Variants in CDH12 observed in about 807,000 individuals in gnomAD.
CDH12 encodes the protein cadherin-12.
In CDH12, 41 loss-of-function variants were observed where a neutral mutation model predicts 74.1. The observed-to-expected ratio is 0.55, with a 90% confidence interval of 0.43 to 0.72. The LOEUF is 0.72. CDH12 is among the 30% of genes least tolerant of loss of function. The probability of loss-of-function intolerance (pLI) is 0.00; values close to 1 mark genes in which losing one functional copy is unlikely to be tolerated. For missense variants in CDH12, 945 were observed against 977.2 expected (o/e 0.97, Z 0.44); for synonymous variants, 399 against 355.0 (o/e 1.12, Z -1.39).
intron 6 of CDH12, among the ~76,000 whole-genome samples, chr5:21,923,851 G>A (rs1256385433): frequency 1.3e-5 from 2 of 152,062 alleles, no homozygotes; most frequent in African/African-American, 4.8e-5. Context: ...TTTTAAAATC[G>A]CCATTGACAG....
intron 4 of CDH12, among the ~76,000 whole-genome samples, chr5:22,172,730 T>C (rs1477157555): frequency 1.3e-5 from 2 of 151,838 alleles, no homozygotes; most frequent in African/African-American, 4.8e-5. Flanking sequence ...TATATTTTAT[T>C]GAATGCATTT....
At position 22,218,324 on chromosome 5, in the gene CDH12, C is replaced by G. The variant is rs147938247; in HGVS notation, c.-332-5681G>C. Among the ~76,000 whole-genome samples the G allele has an allele frequency of 3.6e-3, 547 of 151,496 alleles. 7 individuals carry two copies. The highest frequency in any genetic ancestry group is 0.012 in the African/African-American group (516 of 41,420). On this transcript the variant is annotated intron_variant, in intron 3 of 14. Coordinates refer to ENST00000382254, the MANE Select transcript of CDH12 (RefSeq NM_004061.5). The stretch of plus-strand genomic sequence containing the variant: ...ACTGATTAGTCACAATGGCTCCAAA[C>G]TGGGGAAAAAAAAGTCCGTCAACAG...
At chr5:22,502,590 G>T (rs1197050413) in intron 2 of CDH12, among the ~76,000 whole-genome samples, 2 of 151,762 alleles carry the variant, frequency 1.3e-5, no homozygotes, top group Admixed American at 6.6e-5. Flanking sequence ...GCTCCCAAAA[G>T]ATCTGATATA....
At chr5:22,314,976 T>C (rs1738558125) in intron 3 of CDH12, among the ~76,000 whole-genome samples, 16 of 96,560 alleles carry the variant, frequency 1.7e-4, no homozygotes, top group Non-Finnish European at 2.6e-4. Flanking sequence ...TTTTTTGAGA[T>C]GGAGTATCCC....
intron 3 of CDH12, among the ~76,000 whole-genome samples, chr5:22,289,202 T>C (rs566033303): frequency 8.0e-4 from 122 of 152,152 alleles, no homozygotes; most frequent in African/African-American, 2.7e-3. Flanking sequence ...TGATGAAAAA[T>C]GACAAACAAG....
At chr5:22,189,931 C>A (rs1330647107) in intron 4 of CDH12, among the ~76,000 whole-genome samples, 3 of 151,996 alleles carry the variant, frequency 2.0e-5, no homozygotes, top group Non-Finnish European at 4.4e-5. Context: ...TGCTTCACAG[C>A]TGGTGAATGG....
chr5:21,875,320 T>C (rs1751870367), intron 6 of CDH12, among the ~76,000 whole-genome samples: 1 of 152,254 alleles, frequency 6.6e-6, no homozygotes, highest in African/African-American at 2.4e-5. Flanking sequence ...AGTGGGGACC[T>C]CATGGAACTT....
chr5:22,737,044 T>C (rs1224249465), intron 1 of CDH12, among the ~76,000 whole-genome samples: 2 of 151,958 alleles, frequency 1.3e-5, no homozygotes, highest in African/African-American at 2.4e-5. Context: ...TCAGAAGATA[T>C]AGAGAGAAAG....
At chr5:22,498,350 A>G (rs548658189) in intron 2 of CDH12, among the ~76,000 whole-genome samples, 1 of 152,214 alleles carries the variant, frequency 6.6e-6, no homozygotes, top group African/African-American at 2.4e-5. Flanking sequence ...AACATGGTTA[A>G]CAACATTTAA....
At chr5:22,260,759 C>T (rs1753475512) in intron 3 of CDH12, among the ~76,000 whole-genome samples, 1 of 151,960 alleles carries the variant, frequency 6.6e-6, no homozygotes, top group Non-Finnish European at 1.5e-5. Context: ...TGCCTTAACG[C>T]TTCAGACAAG....
intron 4 of CDH12, among the ~76,000 whole-genome samples, chr5:22,159,935 ATGTGTGTGCC>A (rs1748232936): frequency 6.6e-6 from 1 of 152,182 alleles, no homozygotes; most frequent in Admixed American, 6.6e-5. Flanking sequence ...GTGCATGTGC[ATGTGTGTGCC>A]TGTGTGTGTA....
chr5:21,842,347 T>C lies in CDH12; in HGVS notation c.647-19A>G, dbSNP rs764829600. The stretch of plus-strand genomic sequence containing the variant: ...ATAACACCTTAAGGGATAAAAGCAA[T>C]AATGTAAAATAAATATCACAAATGC... On this transcript the variant is annotated intron_variant, in intron 7 of 14. Transcript: ENST00000382254. 1 of 1,518,050 alleles carries C rather than the reference T, an allele frequency of 6.6e-7. No individual in the cohort carries two copies. The highest frequency in any genetic ancestry group is 9.0e-7 in the Non-Finnish European group (1 of 1,116,788). 94.0% of individuals were successfully genotyped at this position (1,518,050 alleles called of 1,614,324 possible).
chr5:22,337,811 T>A (rs1385160289), intron 3 of CDH12, among the ~76,000 whole-genome samples: 1 of 152,222 alleles, frequency 6.6e-6, no homozygotes, highest in African/African-American at 2.4e-5. Flanking sequence ...AACAGGTATA[T>A]GAAAAGGTTC....
chr5:22,396,550 T>G (rs1369874176), intron 3 of CDH12, among the ~76,000 whole-genome samples: 1 of 151,832 alleles, frequency 6.6e-6, no homozygotes, highest in Non-Finnish European at 1.5e-5. Flanking sequence ...GAAGGGGAGG[T>G]CTGGAAAGTC....
Position 22,497,794 on chromosome 5 carries a change from G to A in CDH12, c.-428+7476C>T, listed in dbSNP as rs533053789. On this transcript the variant is annotated intron_variant, in intron 2 of 14. Coordinates refer to ENST00000382254, the MANE Select transcript of CDH12 (RefSeq NM_004061.5). ...AGTGGCTGGAATTACAGACATGTGCGTCCACACCGGGATAATTTTTGTATT... is the reference window on the plus strand; with the variant it reads ...AGTGGCTGGAATTACAGACATGTGCATCCACACCGGGATAATTTTTGTATT... Among the ~76,000 whole-genome samples, 9 of 151,554 alleles carry A rather than the reference G, an allele frequency of 5.9e-5. No individual in the cohort carries two copies. In the East Asian group the frequency reaches 9.8e-4, roughly 16 times the overall value.
At chr5:22,383,574 T>C (rs563074043) in intron 3 of CDH12, among the ~76,000 whole-genome samples, 1 of 152,336 alleles carries the variant, frequency 6.6e-6, no homozygotes, top group African/African-American at 2.4e-5. Context: ...GGAAAAACGT[T>C]GCTGGTAGAA....
intron 1 of CDH12, among the ~76,000 whole-genome samples, chr5:22,829,315 A>C (rs1052135848): frequency 6.6e-6 from 1 of 152,188 alleles, no homozygotes; most frequent in African/African-American, 2.4e-5. Context: ...ACACTCTATA[A>C]ATGCTATCTC....
intron 4 of CDH12, among the ~76,000 whole-genome samples, chr5:22,100,174 G>T (rs1744054293): frequency 6.6e-6 from 1 of 152,158 alleles, no homozygotes; most frequent in Non-Finnish European, 1.5e-5. Context: ...TAAAAACCAA[G>T]AAAATATTGT....
chr5:22,254,664 T>C (rs762585166), intron 3 of CDH12, among the ~76,000 whole-genome samples: 3 of 151,788 alleles, frequency 2.0e-5, no homozygotes, highest in African/African-American at 4.8e-5. Flanking sequence ...GAACTTAAAA[T>C]AAAAGTTAAA....
Sources: allele counts gnomAD v4.1 joint callset (sites outside exome capture counted in the v4.1 genomes callset), GRCh38; gene constraint gnomAD v4.1.1; transcripts MANE v1.5; gene names NCBI Gene and HGNC (gene_info 2026-07-23, HGNC 2026-07-21).